Variants in SLC9A7 observed in about 807,000 individuals in gnomAD.
SLC9A7 encodes the protein solute carrier family 9 member A7.
Under a neutral mutation model 52.6 loss-of-function variants are expected in SLC9A7, and 19 were observed. That is an observed-to-expected ratio of 0.36 (90% CI 0.25 to 0.53). The LOEUF is 0.53. Ranked by LOEUF, SLC9A7 falls within the 20% of genes least tolerant of loss-of-function variation. The probability of loss-of-function intolerance (pLI) is 0.91; values close to 1 mark genes in which losing one functional copy is unlikely to be tolerated. For missense variants in SLC9A7, 455 were observed against 597.9 expected (o/e 0.76, Z 2.49); for synonymous variants, 226 against 252.1 (o/e 0.90, Z 0.98).
Position 46,653,642 on chromosome X carries a change from T to C in SLC9A7, c.1114A>G (p.Thr372Ala). The part of the protein sequence containing the change: ...TALFFLMSWS[T>A]FLLAEACGFT... ...CCGCAGGCTTCTGCCAAGAGAAACG[T>C]GCTCCAGGACATGAGGAAGAACAGC... Residue 372 changes from threonine (T) to alanine (A), a missense_variant, in exon 8 of 17, where the codon ACG becomes GCG. Transcript: ENST00000616978. 1 of 1,210,736 alleles carries C rather than the reference T, an allele frequency of 8.3e-7. No individual in the cohort carries two copies. Among genetic ancestry groups the C allele is most frequent in the Non-Finnish European group, 1.1e-6 (1 of 894,878 alleles).
chrX:46,708,549 C>T lies in SLC9A7; in HGVS notation c.326-26014G>A, dbSNP rs183772314. Among the ~76,000 whole-genome samples, 390 of 110,710 alleles carry T rather than the reference C, an allele frequency of 3.5e-3. 1 individual carries two copies. Among genetic ancestry groups the T allele is most frequent in the African/African-American group, 0.012 (363 of 30,462 alleles). ...CGTCTCAAAAAAAAAAAAAGAGGTA[C>T]TCAAACTAGGCTAGTAAAATACAAG... On this transcript the variant is annotated intron_variant, in intron 1 of 16. Transcript: ENST00000616978.
chrX:46,635,309 C>T (rs984202174), intron 13 of SLC9A7, among the ~76,000 whole-genome samples: 2 of 110,829 alleles, frequency 1.8e-5, no homozygotes, highest in African/African-American at 6.6e-5. Context: ...CTCAGTTGTA[C>T]GAAAAGGAGA....
chrX:46,759,011 C>A lies in SLC9A7; in HGVS notation c.19G>T (p.Ala7Ser). The A allele has an allele frequency of 1.0e-6, 1 of 968,076 alleles. No individual in the cohort carries two copies. The highest frequency in any genetic ancestry group is 1.3e-6 in the Non-Finnish European group (1 of 778,099). 79.8% of individuals were successfully genotyped at this position (968,076 alleles called of 1,213,427 possible). The stretch of plus-strand genomic sequence containing the variant: ...GTAGCCCGACCCGAGCCAGGGCGCG[C>A]CGCGTCACCAGGCTCCATGGTCCCG... MEPGDA[A>S]RPGSGRATGA... is the part of the protein sequence containing the mutation. Residue 7 changes from alanine to serine, a missense_variant, in exon 1 of 17, where the codon GCG (alanine) becomes TCG (serine). Ala to Ser is a moderately conservative substitution (Grantham distance 99). This residue lies in a region of SLC9A7 where 304 missense variants were observed against 417.8 expected (regional missense o/e 0.73). Transcript: ENST00000616978.
At chrX:46,692,130 G>A (rs1233095421) in intron 1 of SLC9A7, among the ~76,000 whole-genome samples, 2 of 111,019 alleles carry the variant, frequency 1.8e-5, no homozygotes, top group Admixed American at 1.9e-4. Context: ...AGGAAGACAG[G>A]TTTCATGGAG....
chrX:46,710,072 T>G (rs1602257033), intron 1 of SLC9A7, among the ~76,000 whole-genome samples: 1 of 112,448 alleles, frequency 8.9e-6, no homozygotes, highest in Non-Finnish European at 1.9e-5. Context: ...TACTATCATA[T>G]GTATTATCTT....
At chrX:46,692,451 T>G (rs1944393353) in intron 1 of SLC9A7, among the ~76,000 whole-genome samples, 1 of 111,480 alleles carries the variant, frequency 9.0e-6, no homozygotes, top group Admixed American at 9.6e-5. Context: ...ACCTAAGGCA[T>G]GTCTACAGTT....
chrX:46,738,403 G>A (rs1376511744), intron 1 of SLC9A7, among the ~76,000 whole-genome samples: 3 of 111,967 alleles, frequency 2.7e-5, no homozygotes, highest in African/African-American at 3.2e-5. Context: ...CCTCTTTTAC[G>A]GAAACCCAAC....
Position 46,643,492 on chromosome X carries a change from G to A in SLC9A7, c.1463-103C>T. The stretch of plus-strand genomic sequence containing the variant: ...GGGCTAATAAACTCTATTCATTCAT[G>A]CTTCAGGGGCCAAGTTGTTTTACTC... On this transcript the variant is annotated intron_variant, in intron 11 of 16. Transcript: ENST00000616978. 3 of 784,546 alleles carry A rather than the reference G, an allele frequency of 3.8e-6. No homozygotes were observed. In the South Asian group the frequency reaches 8.8e-5, roughly 23 times the overall value. The allele number at this position is 784,546 out of a possible 1,213,427, so 64.7% of individuals were successfully genotyped here.
At position 46,612,543 on chromosome X, in the gene SLC9A7, G is replaced by A. The variant is rs5952912; in HGVS notation, c.1929+746C>T. Among the ~76,000 whole-genome samples the A allele has an allele frequency of 1.6e-3, 181 of 111,903 alleles. No homozygotes were observed. The Middle Eastern group carries it at 0.018, about 11-fold the overall frequency. On this transcript the variant is annotated intron_variant, in intron 16 of 16. Transcript: ENST00000616978. ...TAAACTATTTAGAAAAGGAATCCTTGCATGCTTTGTGGTTCAGTGTATCTT... is the reference window on the plus strand; with the variant it reads ...TAAACTATTTAGAAAAGGAATCCTTACATGCTTTGTGGTTCAGTGTATCTT...
intron 1 of SLC9A7, among the ~76,000 whole-genome samples, chrX:46,730,898 C>A (rs1388302810): frequency 9.5e-6 from 1 of 105,231 alleles, no homozygotes; most frequent in Non-Finnish European, 2.0e-5. Flanking sequence ...AAATGATTCT[C>A]CCACTTCGAC....
chrX:46,752,263 T>C (rs781999688), intron 1 of SLC9A7, among the ~76,000 whole-genome samples: 78 of 111,801 alleles, frequency 7.0e-4, no homozygotes, highest in African/African-American at 2.4e-3. Flanking sequence ...TTCTCCTGCA[T>C]AACCTCAATT....
intron 12 of SLC9A7, among the ~76,000 whole-genome samples, chrX:46,639,428 C>T (rs1943370613): frequency 2.7e-5 from 3 of 109,362 alleles, no homozygotes; most frequent in Admixed American, 9.8e-5. Context: ...ACTACAGGCA[C>T]CTGCCACCAC....
At chrX:46,635,731 C>T in intron 12 of SLC9A7, 83 bp from the exon 13 acceptor site, 1 of 669,654 alleles carries the variant, frequency 1.5e-6, no homozygotes, top group Non-Finnish European at 2.4e-6. Flanking sequence ...TGGACCATGT[C>T]CACCAGAGAA....
At chrX:46,722,862 G>A (rs1018375070) in intron 1 of SLC9A7, among the ~76,000 whole-genome samples, 4 of 111,901 alleles carry the variant, frequency 3.6e-5, no homozygotes, top group Admixed American at 9.5e-5. Flanking sequence ...CCACCACACG[G>A]AACCAATTGT....
chrX:46,624,063 T>G (rs1051896323), intron 14 of SLC9A7, among the ~76,000 whole-genome samples: 12 of 112,444 alleles, frequency 1.1e-4, no homozygotes, highest in Admixed American at 3.7e-4. Context: ...ATGACACAAT[T>G]TGGAGGGCTT....
chrX:46,737,952 A>G (rs28613698), intron 1 of SLC9A7, among the ~76,000 whole-genome samples: 1 of 108,289 alleles, frequency 9.2e-6, no homozygotes, highest in African/African-American at 3.4e-5. Flanking sequence ...ACTTGAGCCC[A>G]GGAGGTGGAG....
intron 1 of SLC9A7, among the ~76,000 whole-genome samples, chrX:46,730,692 AT>A (rs1945022464): frequency 1.0e-4 from 8 of 76,290 alleles, no homozygotes; most frequent in South Asian, 6.5e-4. Flanking sequence ...ATATATATAT[AT>A]ATATATATAT....
rs1317145824 is a variant in SLC9A7 at position 46,758,812 on chromosome X, C to T, written c.218G>A (p.Ser73Asn). The change falls in exon 1 of 17, where the codon AGC becomes AAC. Residue 73 changes from serine (S) to asparagine (N), a missense_variant. Transcript: ENST00000616978. Reference protein sequence around the residue: ...AEESHRQDSVSLLTFILLLTL... With the variant: ...AEESHRQDSVNLLTFILLLTL... Reference sequence around the variant, plus strand: ...GAGCAGCAGGATGAAGGTGAGCAGGCTCACGCTGTCTTGCCGGTGGCTCTC... The same window carrying T: ...GAGCAGCAGGATGAAGGTGAGCAGGTTCACGCTGTCTTGCCGGTGGCTCTC... 2.0e-5 allele frequency: 24 copies of T among 1,206,260 alleles called. No homozygotes were observed. The highest frequency in any genetic ancestry group is 2.6e-5 in the Non-Finnish European group (23 of 893,403).
rs188154645 is a variant in SLC9A7, at chrX:46,746,896, C to T, written c.325+11809G>A. ...CCAAAATATGGAATCAACCTAAGTG[C>T]CCATTAATGGACGAATGAATAAAGA... On this transcript the variant is annotated intron_variant, in intron 1 of 16. Transcript: ENST00000616978. Among the ~76,000 whole-genome samples, 556 of 112,312 alleles carry T rather than the reference C, an allele frequency of 5.0e-3. 1 individual carries two copies. The highest frequency in any genetic ancestry group is 0.012 in the South Asian group (32 of 2,718).
Sources: gnomAD v4.1 joint callset for allele counts (sites outside exome capture counted in the v4.1 genomes callset) on GRCh38, gnomAD v4.1.1 for gene constraint, gnomAD v4.1.1 regional missense constraint, MANE v1.5 for transcripts, NCBI Gene and HGNC (gene_info 2026-07-23, HGNC 2026-07-21) for gene names.